TTC28: variants seen among roughly 807,000 people sequenced by gnomAD.
The protein encoded by TTC28 is tetratricopeptide repeat protein 28.
In TTC28, 61 loss-of-function variants were observed where a neutral mutation model predicts 198.0. The observed-to-expected ratio is 0.31, with a 90% CI of 0.25 to 0.38. The LOEUF (loss-of-function observed/expected upper bound fraction) is 0.38, where lower values mean the gene tolerates loss of function less well. TTC28 is among the 10% of genes least tolerant of loss of function. The probability of loss-of-function intolerance (pLI) is 1.00; values close to 1 mark genes in which losing one functional copy is unlikely to be tolerated. For missense variants in TTC28, 2,678 were observed against 3,164.0 expected, an observed-to-expected ratio of 0.85 and a Z score of 3.69; for synonymous variants, 1,171 against 1,297.8, an observed-to-expected ratio of 0.90 and a Z score of 2.10.
chr22:28,429,345 C>G (rs1026646611), intron 2 of TTC28, among the ~76,000 whole-genome samples: 3 of 152,290 alleles, frequency 2.0e-5, no homozygotes, highest in Non-Finnish European at 4.4e-5. Context: ...TCCAGGGCCT[C>G]AAACACAGAA....
At chr22:28,129,316 C>T (rs1027039713) in intron 6 of TTC28, among the ~76,000 whole-genome samples, 1 of 152,212 alleles carries the variant, frequency 6.6e-6, no homozygotes, top group Non-Finnish European at 1.5e-5. Flanking sequence ...AATGTCAGAT[C>T]TAGATCCCAG....
In TTC28 at chr22:28,189,903, C is replaced by A. The variant is rs73882707; in HGVS notation, c.934-26304G>T. Reference sequence around the variant, plus strand: ...AGTGCCATCATAATTAGTCAATTAACTGAGTGTAGCACTCAGCTTTACTTT... The same window carrying A: ...AGTGCCATCATAATTAGTCAATTAAATGAGTGTAGCACTCAGCTTTACTTT... On this transcript the variant is annotated intron_variant, in intron 5 of 22. Transcript: ENST00000397906. Among the ~76,000 whole-genome samples the A allele has an allele frequency of 3.9e-3, 594 of 152,174 alleles. 4 individuals carry two copies. Among genetic ancestry groups the A allele is most frequent in the African/African-American group, 0.014 (570 of 41,516 alleles).
At chr22:28,414,788 C>G (rs1239778004) in intron 2 of TTC28, among the ~76,000 whole-genome samples, 1 of 152,060 alleles carries the variant, frequency 6.6e-6, no homozygotes, top group Non-Finnish European at 1.5e-5. Context: ...TGCTAATTGT[C>G]TAATAAATTC....
chr22:28,494,687 T>C (rs771205005), intron 2 of TTC28, among the ~76,000 whole-genome samples: 36 of 152,100 alleles, frequency 2.4e-4, no homozygotes, highest in Non-Finnish European at 4.7e-4. Flanking sequence ...GCTCAAACTC[T>C]AAAATTCTAA....
In TTC28 at chr22:28,432,428, C is replaced by T. The variant is rs539749445; in HGVS notation, c.382-125785G>A. On this transcript the variant is annotated intron_variant, in intron 2 of 22. Coordinates refer to ENST00000397906, the MANE Select transcript of TTC28 (RefSeq NM_001145418.2). The stretch of plus-strand genomic sequence containing the variant: ...TCATTCATTCTTAATTCATATGAGA[C>T]AATGCAAAGATATATTATAGATTCA... Among the ~76,000 whole-genome samples, 3 of 152,120 alleles carry T rather than the reference C, an allele frequency of 2.0e-5. No homozygotes were observed. The East Asian group carries it at 5.8e-4, about 29-fold the overall frequency.
intron 12 of TTC28, among the ~76,000 whole-genome samples, chr22:28,044,865 C>G (rs928117097): frequency 6.6e-6 from 1 of 152,088 alleles, no homozygotes; most frequent in Non-Finnish European, 1.5e-5. Flanking sequence ...TACAGGTTTT[C>G]CCCTAGCTTT....
chr22:28,023,370 C>G (rs914982460), intron 13 of TTC28, among the ~76,000 whole-genome samples: 1 of 152,258 alleles, frequency 6.6e-6, no homozygotes, highest in African/African-American at 2.4e-5. Context: ...CCCAGGCCAG[C>G]CTTGCACAGG....
chr22:28,520,209 C>T (rs572282765), intron 2 of TTC28, among the ~76,000 whole-genome samples: 1 of 152,228 alleles, frequency 6.6e-6, no homozygotes, highest in African/African-American at 2.4e-5. Context: ...TAACTCAACT[C>T]TTAATTGAAG....
intron 5 of TTC28, among the ~76,000 whole-genome samples, chr22:28,169,281 T>C (rs1211202004): frequency 6.6e-6 from 1 of 152,146 alleles, no homozygotes; most frequent in African/African-American, 2.4e-5. Flanking sequence ...CTCAGGGATC[T>C]AGAACTAGAA....
chr22:28,101,061 G>A lies in TTC28; in HGVS notation c.3417+110C>T, dbSNP rs985638257. ...CGGGAAATCATACACATTAGCCCAA[G>A]GGTAGAAGTCAGTGCCTCTTGTAAA... is the stretch of plus-strand genomic sequence containing the variant. On this transcript the variant is annotated intron_variant, in intron 9 of 22. Coordinates refer to ENST00000397906, the MANE Select transcript of TTC28 (RefSeq NM_001145418.2). 43 of 740,596 alleles carry A rather than the reference G, an allele frequency of 5.8e-5. 1 individual carries two copies. The Admixed American group carries it at 8.4e-4, about 15-fold the overall frequency. 45.9% of individuals were successfully genotyped at this position (740,596 alleles called of 1,614,324 possible).
chr22:28,530,494 T>C lies in TTC28; in HGVS notation c.381+99058A>G, dbSNP rs1216408158. Among the ~76,000 whole-genome samples the C allele has an allele frequency of 2.6e-5, 4 of 152,130 alleles. No homozygotes were observed. In the South Asian group the frequency reaches 6.2e-4, roughly 24 times the overall value. ...AAGTTGGAAAACACTCTCAGGATAT[T>C]ATCCAGGAGAACTTCCCCAACCTAG... On this transcript the variant is annotated intron_variant, in intron 2 of 22. Coordinates refer to ENST00000397906, the MANE Select transcript of TTC28 (RefSeq NM_001145418.2).
At chr22:28,533,396 A>G (rs1285446254) in intron 2 of TTC28, among the ~76,000 whole-genome samples, 1 of 152,198 alleles carries the variant, frequency 6.6e-6, no homozygotes, top group Non-Finnish European at 1.5e-5. Context: ...TGACCACTCA[A>G]TGAAATAAAA....
chr22:28,186,671 T>G (rs142467767), intron 5 of TTC28, among the ~76,000 whole-genome samples: 20 of 152,298 alleles, frequency 1.3e-4, no homozygotes, highest in African/African-American at 4.6e-4. Context: ...TAGAGACTGC[T>G]GGAAATCATG....
chr22:28,510,328 G>A (rs923358187), intron 2 of TTC28, among the ~76,000 whole-genome samples: 1 of 152,126 alleles, frequency 6.6e-6, no homozygotes, highest in Non-Finnish European at 1.5e-5. Flanking sequence ...CCACAATGAA[G>A]TTGGCTTCAT....
chr22:28,505,175 T>G (rs2048591687), intron 2 of TTC28, among the ~76,000 whole-genome samples: 1 of 144,584 alleles, frequency 6.9e-6, no homozygotes, highest in Non-Finnish European at 1.5e-5. Flanking sequence ...GAGAACTGCT[T>G]GAATCCAGGA....
intron 5 of TTC28, among the ~76,000 whole-genome samples, chr22:28,235,765 C>T (rs978100082): frequency 5.9e-5 from 9 of 152,208 alleles, no homozygotes; most frequent in African/African-American, 1.9e-4. Context: ...ATACCTCCTA[C>T]TATACACAAG....
At chr22:28,553,650 G>A (rs1484338628) in intron 2 of TTC28, among the ~76,000 whole-genome samples, 2 of 152,004 alleles carry the variant, frequency 1.3e-5, no homozygotes, top group Non-Finnish European at 2.9e-5. Context: ...ATCCGGGAGG[G>A]AGGTGGGGGT....
At chr22:28,112,793 G>A (rs1261866880) in intron 6 of TTC28, among the ~76,000 whole-genome samples, 1 of 152,206 alleles carries the variant, frequency 6.6e-6, no homozygotes, top group Non-Finnish European at 1.5e-5. Context: ...GGGCCTGTCA[G>A]CAGGGGCGTG....
chr22:28,048,505 G>C (rs937662932), intron 12 of TTC28, among the ~76,000 whole-genome samples: 3 of 152,076 alleles, frequency 2.0e-5, no homozygotes, highest in Non-Finnish European at 4.4e-5. Context: ...AGGATATCTG[G>C]GTCGGGGTGG....
Sources: gnomAD v4.1 joint callset for allele counts (sites outside exome capture counted in the v4.1 genomes callset) on GRCh38, gnomAD v4.1.1 for gene constraint, MANE v1.5 for transcripts, NCBI Gene and HGNC (gene_info 2026-07-23, HGNC 2026-07-21) for gene names.